Variants in TENM2 observed in about 807,000 individuals in gnomAD.
TENM2 encodes the protein teneurin transmembrane protein 2, also known as teneurin-2.
Under a neutral mutation model 245.2 loss-of-function variants are expected in TENM2, and 52 were observed. The observed-to-expected ratio is 0.21, with a 90% confidence interval of 0.17 to 0.27. The LOEUF is 0.27. Ranked by LOEUF, TENM2 falls within the 10% of genes least tolerant of loss-of-function variation. The pLI is 1.00. For missense variants in TENM2, 3,046 were observed against 3,666.8 expected (o/e 0.83, Z 4.37); for synonymous variants, 1,363 against 1,438.9 (o/e 0.95, Z 1.19).
intron 8 of TENM2, among the ~76,000 whole-genome samples, chr5:168,095,489 C>T (rs764763762): frequency 6.6e-6 from 1 of 152,208 alleles, no homozygotes; most frequent in Non-Finnish European, 1.5e-5. Context: ...CCTCCCTGAA[C>T]ATTCTCTTTA....
Position 167,654,669 on chromosome 5 carries a change from A to G in TENM2, c.503-221317A>G, listed in dbSNP as rs561788614. ...GATTGCAGGGAGGGTTTGTGATGGT[A>G]TTACTCTAAAAACCTCTAAATCCCA... On this transcript the variant is annotated intron_variant, in intron 2 of 28. Transcript: ENST00000518659. 2.6e-5 allele frequency among the ~76,000 whole-genome samples: 4 copies of G among 151,552 alleles called. No homozygotes were observed. The South Asian group carries it at 6.3e-4, about 24-fold the overall frequency.
At chr5:167,727,100 A>ATTTTT (rs1554106383) in intron 2 of TENM2, among the ~76,000 whole-genome samples, 3 of 125,418 alleles carry the variant, frequency 2.4e-5, no homozygotes, top group Non-Finnish European at 4.9e-5. Context: ...GAATCCATTA[A>ATTTTT]TTTCTTTTTT....
intron 4 of TENM2, among the ~76,000 whole-genome samples, chr5:167,975,083 G>A (rs758705660): frequency 9.2e-5 from 14 of 152,298 alleles, no homozygotes; most frequent in East Asian, 1.9e-4. Flanking sequence ...GCCTGAAGGC[G>A]GGCACCTGCC....
the TENM2 span, among the ~76,000 whole-genome samples, chr5:167,269,707 C>T: frequency 1.3e-5 from 2 of 152,030 alleles, no homozygotes; most frequent in Admixed American, 6.6e-5. Flanking sequence ...CTTCCTTCTC[C>T]ACTCATTCAC....
chr5:167,282,371 A>G (rs1003943371), upstream of TENM2, among the ~76,000 whole-genome samples: 1 of 152,142 alleles, frequency 6.6e-6, no homozygotes, highest in Non-Finnish European at 1.5e-5. Flanking sequence ...TAGAACTGTG[A>G]GTTTCAGGGA....
the TENM2 span, among the ~76,000 whole-genome samples, chr5:167,041,851 C>T: frequency 4.6e-5 from 7 of 152,150 alleles, no homozygotes; most frequent in Non-Finnish European, 8.8e-5. Context: ...CTAGCAGTCT[C>T]TTTGTCACCC....
chr5:167,856,667 C>T (rs1041990874), intron 2 of TENM2, among the ~76,000 whole-genome samples: 5 of 152,162 alleles, frequency 3.3e-5, no homozygotes, highest in African/African-American at 1.2e-4. Flanking sequence ...ATTTTTGAGA[C>T]ATAAATAATC....
intron 1 of TENM2, among the ~76,000 whole-genome samples, chr5:167,312,409 T>C (rs1756089413): frequency 6.6e-6 from 1 of 152,146 alleles, no homozygotes; most frequent in Non-Finnish European, 1.5e-5. Context: ...CAAATATTGC[T>C]TAGAGTTCAT....
intron 2 of TENM2, among the ~76,000 whole-genome samples, chr5:167,646,113 T>C (rs1326743861): frequency 6.7e-6 from 1 of 148,786 alleles, no homozygotes; most frequent in Non-Finnish European, 1.5e-5. Context: ...CACACACACA[T>C]ATATATGTGC....
chr5:168,204,663 C>G (rs780261839), intron 19 of TENM2, 42 bp downstream of exon 21: 1 of 1,600,022 alleles, frequency 6.2e-7, no homozygotes, highest in Admixed American at 1.7e-5. Flanking sequence ...TCTCTTGCCC[C>G]CCATAACTCC....
chr5:167,373,447 A>G (rs1760560884), intron 1 of TENM2, among the ~76,000 whole-genome samples: 1 of 152,182 alleles, frequency 6.6e-6, no homozygotes, highest in African/African-American at 2.4e-5. Context: ...CTTTGGTGTT[A>G]TTTATGAGGT....
intron 19 of TENM2, among the ~76,000 whole-genome samples, chr5:168,208,687 G>A (rs564731006): frequency 9.2e-5 from 14 of 152,168 alleles, no homozygotes; most frequent in Non-Finnish European, 1.6e-4. Context: ...ACTCAATCCC[G>A]AATAAAAGTA....
chr5:167,061,259 T>A, the TENM2 span, among the ~76,000 whole-genome samples: 22 of 152,194 alleles, frequency 1.4e-4, no homozygotes, highest in Non-Finnish European at 2.6e-4. Flanking sequence ...TTTATTTTTT[T>A]AAATATATTT....
intron 2 of TENM2, among the ~76,000 whole-genome samples, chr5:167,505,605 T>C (rs1769490125): frequency 6.6e-6 from 1 of 152,196 alleles, no homozygotes; most frequent in Admixed American, 6.6e-5. Flanking sequence ...TTTGGATATT[T>C]TATGAAGTAA....
intron 1 of TENM2, among the ~76,000 whole-genome samples, chr5:167,352,854 A>G (rs1018897560): frequency 1.4e-4 from 22 of 152,198 alleles, no homozygotes; most frequent in African/African-American, 5.1e-4. Flanking sequence ...TTATTTTTTC[A>G]AGTAAGCTGT....
the TENM2 span, among the ~76,000 whole-genome samples, chr5:167,081,890 G>C: frequency 6.6e-6 from 1 of 152,120 alleles, no homozygotes; most frequent in South Asian, 2.1e-4. Flanking sequence ...TTTATTTCTT[G>C]CCTCTTGTCG....
At chr5:167,604,589 C>T (rs1776893125) in intron 2 of TENM2, among the ~76,000 whole-genome samples, 1 of 152,168 alleles carries the variant, frequency 6.6e-6, no homozygotes, top group Non-Finnish European at 1.5e-5. Flanking sequence ...TAAGACTTCT[C>T]ATTTAAAAAT....
chr5:167,837,045 A>G (rs776782853), intron 2 of TENM2, among the ~76,000 whole-genome samples: 2 of 147,300 alleles, frequency 1.4e-5, no homozygotes, highest in African/African-American at 2.5e-5. Context: ...AATTCCATTT[A>G]TAGTATATAT....
chr5:167,217,956 C>A, the TENM2 span, among the ~76,000 whole-genome samples: 2 of 151,804 alleles, frequency 1.3e-5, no homozygotes, highest in African/African-American at 4.8e-5. Flanking sequence ...TCACAGTTCC[C>A]AAACTGTGCT....
Sources: allele counts gnomAD v4.1 joint callset (sites outside exome capture counted in the v4.1 genomes callset), GRCh38; gene constraint gnomAD v4.1.1; transcripts MANE v1.5; gene names NCBI Gene and HGNC (gene_info 2026-07-23, HGNC 2026-07-21).